The following CSMD3 variants were observed in gnomAD, a reference collection of about 807,000 sequenced individuals.
CSMD3 encodes CUB and Sushi multiple domains 3.
In CSMD3, 177 loss-of-function variants were observed where a neutral mutation model predicts 435.2. The observed-to-expected ratio is 0.41, with a 90% CI of 0.36 to 0.46. The LOEUF is 0.46. CSMD3 is among the 20% of genes least tolerant of loss of function. The pLI, the probability that CSMD3 is intolerant of heterozygous loss-of-function variation, is 0.34. For missense variants in CSMD3, 4,265 were observed against 4,504.6 expected (o/e 0.95, Z 1.52); for synonymous variants, 1,656 against 1,520.5 (o/e 1.09, Z -2.07).
intron 12 of CSMD3, among the ~76,000 whole-genome samples, chr8:112,826,332 G>A (rs2079679373): frequency 6.6e-6 from 1 of 152,158 alleles, no homozygotes; most frequent in African/African-American, 2.4e-5. Context: ...TTAGACAACA[G>A]GCAGCCACAG....
At chr8:112,930,662 C>T (rs2083075903) in intron 9 of CSMD3, among the ~76,000 whole-genome samples, 1 of 152,070 alleles carries the variant, frequency 6.6e-6, no homozygotes, top group Non-Finnish European at 1.5e-5. Context: ...GTACTTTCCT[C>T]TATAAAATCC....
At chr8:113,294,285 G>C (rs2093704612) in intron 2 of CSMD3, among the ~76,000 whole-genome samples, 1 of 151,894 alleles carries the variant, frequency 6.6e-6, no homozygotes, top group South Asian at 2.1e-4. Flanking sequence ...TTTAACTAAT[G>C]AAATAATGTT....
At chr8:112,303,838 C>G (rs1821155277) in intron 52 of CSMD3, among the ~76,000 whole-genome samples, 1 of 152,036 alleles carries the variant, frequency 6.6e-6, no homozygotes, top group South Asian at 2.1e-4. Context: ...TCATAATAAC[C>G]CTAGGTAGAC....
intron 32 of CSMD3, among the ~76,000 whole-genome samples, chr8:112,453,381 A>G (rs1332926493): frequency 2.0e-5 from 3 of 152,160 alleles, no homozygotes. Context: ...CTCTGCCAAA[A>G]TGTACCTAGA....
chr8:112,381,644 G>A (rs1384730220), intron 37 of CSMD3, among the ~76,000 whole-genome samples: 2 of 152,128 alleles, frequency 1.3e-5, no homozygotes, highest in African/African-American at 2.4e-5. Context: ...GCACACACTT[G>A]CTTCTTTTCT....
At chr8:112,772,408 A>G (rs983676632) in intron 13 of CSMD3, among the ~76,000 whole-genome samples, 3 of 152,128 alleles carry the variant, frequency 2.0e-5, no homozygotes, top group Non-Finnish European at 4.4e-5. Context: ...TGAAGGCAGC[A>G]TGCTTGTTAA....
rs7821148 is a variant in CSMD3, at chr8:113,338,557, A to T, written c.179-23764T>A. 9.7e-3 allele frequency among the ~76,000 whole-genome samples: 1,479 copies of T among 152,124 alleles called. 22 individuals are homozygous for T. Among genetic ancestry groups the T allele is most frequent in the African/African-American group, 0.031 (1,302 of 41,568 alleles). ...TACTATTTAACAATAAAATAAAATA[A>T]AGCACTGATACTTGCAACAACATGG... is the stretch of plus-strand genomic sequence containing the variant. On this transcript the variant is annotated intron_variant, in intron 1 of 70. Transcript: ENST00000297405.
At chr8:113,433,532 C>T (rs935850829) in intron 1 of CSMD3, among the ~76,000 whole-genome samples, 1 of 152,212 alleles carries the variant, frequency 6.6e-6, no homozygotes, top group Non-Finnish European at 1.5e-5. Context: ...AGTAGTATCT[C>T]CTTGGAGTCT....
rs1259939197 is a variant in CSMD3 at position 112,320,099 on chromosome 8, T to G, written c.7166-118A>C. The G allele has an allele frequency of 1.0e-5, 7 of 686,886 alleles. No homozygotes were observed. The South Asian group carries it at 1.2e-4, about 11-fold the overall frequency. The allele number at this position is 686,886 out of a possible 1,614,324, so 42.5% of individuals were successfully genotyped here. A position where few individuals can be genotyped will look rare whatever the true frequency, so the allele number is the denominator to read the frequency against. On this transcript the variant is annotated intron_variant, in intron 45 of 70. Transcript: ENST00000297405. Reference sequence around the variant, plus strand: ...AAAAAATAAAAATAAATTACATAATTTATCAAGTGTCAATTACATCTTTAT... The same window carrying G: ...AAAAAATAAAAATAAATTACATAATGTATCAAGTGTCAATTACATCTTTAT...
chr8:112,898,474 C>T (rs184692772), intron 10 of CSMD3, among the ~76,000 whole-genome samples: 49 of 151,134 alleles, frequency 3.2e-4, no homozygotes, highest in African/African-American at 1.1e-3. Flanking sequence ...AATTATTTTG[C>T]TTTTTAGTAA....
intron 1 of CSMD3, among the ~76,000 whole-genome samples, chr8:113,367,335 T>C (rs888359304): frequency 6.6e-6 from 1 of 151,992 alleles, no homozygotes; most frequent in Non-Finnish European, 1.5e-5. Context: ...TTTAAACCTA[T>C]TATGAAGAAA....
At chr8:112,938,856 C>G (rs531801430) in intron 9 of CSMD3, among the ~76,000 whole-genome samples, 3 of 152,024 alleles carry the variant, frequency 2.0e-5, no homozygotes, top group African/African-American at 7.2e-5. Flanking sequence ...AAGCCATACT[C>G]CCTGGGTACA....
chr8:113,038,174 T>C (rs2087440458), intron 5 of CSMD3, among the ~76,000 whole-genome samples: 1 of 152,136 alleles, frequency 6.6e-6, no homozygotes, highest in African/African-American at 2.4e-5. Context: ...ATTACTTATT[T>C]AAAGATATCA....
chr8:112,272,041 C>T (rs73709207), intron 59 of CSMD3, among the ~76,000 whole-genome samples: 5,430 of 152,258 alleles, frequency 0.036, 322 homozygotes, highest in African/African-American at 0.12. Flanking sequence ...CAGGGCGTAA[C>T]ATGCACCCCT....
At chr8:113,351,511 A>G (rs1051607674) in intron 1 of CSMD3, among the ~76,000 whole-genome samples, 1 of 152,022 alleles carries the variant, frequency 6.6e-6, no homozygotes, top group Non-Finnish European at 1.5e-5. Context: ...GTATCTGAGA[A>G]AAATGGAGAT....
At chr8:112,420,175 T>C (rs1812323947) in intron 32 of CSMD3, among the ~76,000 whole-genome samples, 1 of 152,136 alleles carries the variant, frequency 6.6e-6, no homozygotes, top group Non-Finnish European at 1.5e-5. Context: ...TTCAAACATA[T>C]ACCAAGTAGA....
chr8:113,046,065 A>T (rs2131306073), intron 5 of CSMD3, among the ~76,000 whole-genome samples: 1 of 149,594 alleles, frequency 6.7e-6, no homozygotes. Context: ...CAGAAAAAGA[A>T]ACTCTGGATC....
In CSMD3 at chr8:112,311,006, T is replaced by C. The variant is rs150824971; in HGVS notation, c.7857A>G (p.Ala2619=). ...VCRKSSYGYH[A]WDAPVPACQA... ...GACAGGCAGGGACTGGCGCATCCCA[T>C]GCATGATACCCATAGGAAGACTTTC... The change falls in exon 50 of 71, where the codon GCA becomes GCG. Residue 2619 remains alanine, a synonymous_variant. Transcript: ENST00000297405. 14 of 1,614,064 alleles carry C rather than the reference T, an allele frequency of 8.7e-6. No individual in the cohort carries two copies. The African/African-American group carries it at 1.2e-4, about 14-fold the overall frequency.
intron 22 of CSMD3, among the ~76,000 whole-genome samples, chr8:112,600,942 T>C (rs1445564655): frequency 6.6e-6 from 1 of 152,086 alleles, no homozygotes; most frequent in Non-Finnish European, 1.5e-5. Context: ...GTGCTGAGAT[T>C]ACAGGCGTGA....
Sources: gnomAD v4.1 joint callset for allele counts (sites outside exome capture counted in the v4.1 genomes callset) on GRCh38, gnomAD v4.1.1 for gene constraint, MANE v1.5 for transcripts, NCBI Gene and HGNC (gene_info 2026-07-23, HGNC 2026-07-21) for gene names.